The following PTPN13 variants were observed in gnomAD, a reference collection of about 807,000 sequenced individuals.
PTPN13 encodes tyrosine-protein phosphatase non-receptor type 13.
PTPN13 carries 191 observed loss-of-function variants against 284.0 expected under a neutral mutation model. The observed-to-expected ratio is 0.67, with a 90% CI of 0.60 to 0.76. The LOEUF is 0.76. Among genes scored for constraint, PTPN13 ranks in the 30% least tolerant of loss-of-function variants. PTPN13 has a pLI of 0.00. For synonymous variants in PTPN13, 986 were observed against 1,022.3 expected, an observed-to-expected ratio of 0.96 and a Z score of 0.68; for missense variants, 2,797 against 2,939.9, an observed-to-expected ratio of 0.95 and a Z score of 1.12.
intron 1 of PTPN13, among the ~76,000 whole-genome samples, chr4:86,617,284 G>T (rs1385102299): frequency 1.3e-5 from 2 of 152,102 alleles, no homozygotes; most frequent in African/African-American, 4.8e-5. Flanking sequence ...GCACTGACCA[G>T]ATTTTTCAAG....
At chr4:86,709,263 T>C (rs141643185) in intron 7 of PTPN13, among the ~76,000 whole-genome samples, 16 of 152,274 alleles carry the variant, frequency 1.1e-4, no homozygotes, top group Non-Finnish European at 1.9e-4. Context: ...GGAATCTTTC[T>C]CTCACCTCCC....
chr4:86,606,578 A>G (rs1163421144), intron 1 of PTPN13, among the ~76,000 whole-genome samples: 1 of 151,914 alleles, frequency 6.6e-6, no homozygotes, highest in Non-Finnish European at 1.5e-5. Flanking sequence ...CTTGGCAGGT[A>G]TCTATTCCTA....
chr4:86,600,380 A>C (rs186262795), intron 1 of PTPN13, among the ~76,000 whole-genome samples: 18 of 150,368 alleles, frequency 1.2e-4, no homozygotes, highest in Non-Finnish European at 2.7e-4. Context: ...AATTAATTTC[A>C]ATTAAAAATA....
At chr4:86,707,934 G>T (rs1179723348) in intron 7 of PTPN13, among the ~76,000 whole-genome samples, 1 of 152,120 alleles carries the variant, frequency 6.6e-6, no homozygotes, top group African/African-American at 2.4e-5. Context: ...AATATATTTT[G>T]TTTCTCTGAA....
intron 45 of PTPN13, 52 bp from the exon 46 acceptor site, chr4:86,809,717 A>G: frequency 2.0e-6 from 3 of 1,491,492 alleles, no homozygotes; most frequent in Non-Finnish European, 2.8e-6. Flanking sequence ...AATTAACTGT[A>G]TGTGAACAAT....
Position 86,771,398 on chromosome 4 carries a change from A to G in PTPN13, c.5031A>G (p.Ser1677=). The G allele has an allele frequency of 1.9e-6, 3 of 1,568,166 alleles. No homozygotes were observed. Among genetic ancestry groups the G allele is most frequent in the South Asian group, 2.3e-5 (2 of 85,314 alleles). The change falls in exon 31 of 48, where the codon TCA becomes TCG. Residue 1677 remains serine, a synonymous_variant. Transcript: ENST00000411767. ...ACATATCAAATTCGACCTGGAGTTC[A>G]GCTTTGCATCAGACTCTAAGCAACA... ...PANISNSTWS[S]ALHQTLSNMV...
chr4:86,811,232 C>A, intron 47 of PTPN13, 124 bp downstream of exon 47: 2 of 843,252 alleles, frequency 2.4e-6, no homozygotes. Context: ...CAAACATTTA[C>A]TGCAGTGAGG....
chr4:86,669,366 A>G (rs568752434), intron 2 of PTPN13, among the ~76,000 whole-genome samples: 125 of 149,744 alleles, frequency 8.3e-4, no homozygotes, highest in Non-Finnish European at 1.6e-3. Flanking sequence ...AGCAAACAAC[A>G]TATTGTATAA....
At chr4:86,596,736 C>T (rs1442445701) in intron 1 of PTPN13, among the ~76,000 whole-genome samples, 2 of 152,134 alleles carry the variant, frequency 1.3e-5, no homozygotes, top group Non-Finnish European at 2.9e-5. Context: ...TTTTCCAGCT[C>T]ATCTTAGTGC....
intron 3 of PTPN13, among the ~76,000 whole-genome samples, chr4:86,683,781 A>G (rs1729152826): frequency 6.6e-6 from 1 of 152,234 alleles, no homozygotes; most frequent in Non-Finnish European, 1.5e-5. Context: ...CACTTGGCAT[A>G]TTGAGAAGTA....
intron 1 of PTPN13, among the ~76,000 whole-genome samples, chr4:86,616,291 A>C (rs1054972578): frequency 2.6e-5 from 4 of 152,204 alleles, no homozygotes; most frequent in African/African-American, 9.6e-5. Context: ...TAATGGTATG[A>C]GAGAGTGAGG....
At chr4:86,691,226 C>CAA (rs80183139) in intron 5 of PTPN13, among the ~76,000 whole-genome samples, 29 of 93,044 alleles carry the variant, frequency 3.1e-4, no homozygotes, top group Admixed American at 2.7e-3. Context: ...GGCCCTACCT[C>CAA]AAAAAAAAAA....
rs780441576 is a variant in PTPN13 at position 86,814,495 on chromosome 4, C to T, written c.7402C>T (p.Leu2468=). The change falls in exon 48 of 48, where the codon CTG becomes TTG. Residue 2468 remains leucine (L), a synonymous_variant. Coordinates refer to ENST00000411767, the MANE Select transcript of PTPN13 (RefSeq NM_080683.3). ...IFCYQVILYV[L]TRLQAEEEQK... ...CTGCTATCAAGTCATCCTTTATGTC[C>T]TGACACGTCTTCAAGCAGAAGAAGA... The T allele has an allele frequency of 2.5e-6, 4 of 1,612,616 alleles. No individual in the cohort carries two copies. Among genetic ancestry groups the T allele is most frequent in the Non-Finnish European group, 2.5e-6 (3 of 1,179,482 alleles).
intron 1 of PTPN13, among the ~76,000 whole-genome samples, chr4:86,630,049 A>T (rs931393942): frequency 1.5e-4 from 23 of 152,138 alleles, no homozygotes; most frequent in African/African-American, 5.3e-4. Flanking sequence ...TACAGGCATA[A>T]GTCACTGCAC....
chr4:86,681,617 A>C (rs1402591801), intron 3 of PTPN13, among the ~76,000 whole-genome samples: 2 of 152,178 alleles, frequency 1.3e-5, no homozygotes, highest in Admixed American at 1.3e-4. Context: ...TCCCTCTGTA[A>C]GATTGAATGA....
At chr4:86,622,420 TAACGAAGGGTAGTAA>T (rs1206830893) in intron 1 of PTPN13, among the ~76,000 whole-genome samples, 9 of 152,228 alleles carry the variant, frequency 5.9e-5, no homozygotes, top group Non-Finnish European at 7.3e-5. Flanking sequence ...TAATGTATGT[TAACGAAGGGTAGTAA>T]AACTTTACCT....
At chr4:86,740,179 C>T (rs1327091188) in intron 15 of PTPN13, among the ~76,000 whole-genome samples, 3 of 152,208 alleles carry the variant, frequency 2.0e-5, no homozygotes, top group African/African-American at 7.2e-5. Context: ...CTAAGTGGTG[C>T]TCCAGTTGGC....
At chr4:86,785,105 C>A in intron 38 of PTPN13, 126 bp from the exon 39 acceptor site, 1 of 663,620 alleles carries the variant, frequency 1.5e-6, no homozygotes, top group Non-Finnish European at 2.4e-6. Context: ...CTTTTCCAGT[C>A]ATTGCTACTT....
chr4:86,633,866 C>G (rs1319645955), intron 1 of PTPN13, among the ~76,000 whole-genome samples: 1 of 152,148 alleles, frequency 6.6e-6, no homozygotes, highest in East Asian at 1.9e-4. Flanking sequence ...TTGGTGCAGG[C>G]AGGGGATCTA....
Sources: allele counts gnomAD v4.1 joint callset (sites outside exome capture counted in the v4.1 genomes callset), GRCh38; gene constraint gnomAD v4.1.1; transcripts MANE v1.5; gene names NCBI Gene and HGNC (gene_info 2026-07-23, HGNC 2026-07-21).